The following GAS7 variants were observed in gnomAD, a reference collection of about 807,000 sequenced individuals.
The protein encoded by GAS7 is growth arrest-specific protein 7.
In GAS7, 28 loss-of-function variants were observed where a neutral mutation model predicts 71.1. The ratio of observed to expected loss-of-function variants is 0.39; its 90% CI spans 0.29 to 0.54. The LOEUF is 0.54. GAS7 is among the 20% of genes least tolerant of loss of function. The pLI is 0.62. For missense variants in GAS7, 436 were observed against 627.8 expected (o/e 0.69, Z 3.27); for synonymous variants, 258 against 245.8 (o/e 1.05, Z -0.46).
chr17:10,075,212 C>T (rs1225231111), intron 1 of GAS7, among the ~76,000 whole-genome samples: 1 of 151,860 alleles, frequency 6.6e-6, no homozygotes, highest in Non-Finnish European at 1.5e-5. Context: ...AAAAATTAGC[C>T]AGGCGTGGCG....
Position 9,911,897 on chromosome 17 carries a change from G to A in GAS7, c.*5331C>T. On this transcript the variant is annotated 3_prime_UTR_variant, in exon 14 of 14. Transcript: ENST00000432992. This position sits in a 1 kb window ranked among gnomAD's most constrained non-coding sequence, Gnocchi z 4.0. The stretch of plus-strand genomic sequence containing the variant: ...GCTTAGTGGAGTGTTTACCTCAGGG[G>A]TCACACTCAGCCTGGTCTGGCCTTA... The A allele has an allele frequency of 4.3e-6, 1 of 231,888 alleles. No homozygotes were observed. Among genetic ancestry groups the A allele is most frequent in the East Asian group, 6.1e-5 (1 of 16,370 alleles). The allele number at this position is 231,888 out of a possible 1,614,324, so 14.4% of individuals were successfully genotyped here.
chr17:9,998,123 T>G (rs2071119480), intron 2 of GAS7, among the ~76,000 whole-genome samples: 1 of 152,208 alleles, frequency 6.6e-6, no homozygotes, highest in African/African-American at 2.4e-5. Context: ...CATGCCTTGG[T>G]CTTTCCTGTG....
At chr17:10,120,927 C>A (rs887951336) in intron 1 of GAS7, among the ~76,000 whole-genome samples, 1 of 152,200 alleles carries the variant, frequency 6.6e-6, no homozygotes, top group African/African-American at 2.4e-5. Flanking sequence ...TCACAACTGC[C>A]ACATGAAAGC....
intron 1 of GAS7, among the ~76,000 whole-genome samples, chr17:10,112,562 C>G (rs1032850355): frequency 2.0e-5 from 3 of 151,996 alleles, no homozygotes; most frequent in Admixed American, 2.0e-4. Context: ...ATGGAGAAAC[C>G]CCAACTCTAC....
chr17:10,123,939 G>T (rs1001428293), intron 1 of GAS7, among the ~76,000 whole-genome samples: 6 of 152,246 alleles, frequency 3.9e-5, no homozygotes, highest in Admixed American at 3.9e-4. Flanking sequence ...ATGCACAAGA[G>T]GCCAGTGGGG....
intron 1 of GAS7, among the ~76,000 whole-genome samples, chr17:10,082,093 A>C (rs1290495201): frequency 6.6e-6 from 1 of 152,248 alleles, no homozygotes; most frequent in African/African-American, 2.4e-5. Flanking sequence ...AAAAAAACTC[A>C]AAAACACATT....
At chr17:9,927,488 A>AC (rs1567782148) in intron 9 of GAS7, among the ~76,000 whole-genome samples, 2 of 148,688 alleles carry the variant, frequency 1.3e-5, no homozygotes, top group African/African-American at 5.2e-5. Context: ...TCAAAAAAAA[A>AC]AAACAAAACA....
In GAS7 at chr17:9,919,259, C is replaced by T. The variant is rs2067705636; in HGVS notation, c.1218+367G>A. Among the ~76,000 whole-genome samples the T allele has an allele frequency of 1.3e-5, 2 of 152,114 alleles. No homozygotes were observed. The highest frequency in any genetic ancestry group is 4.1e-4 in the South Asian group (2 of 4,830). On this transcript the variant is annotated intron_variant, in intron 12 of 13. Coordinates refer to ENST00000432992, the MANE Select transcript of GAS7 (RefSeq NM_201433.2). The surrounding 1 kb of genome is among the most constrained non-coding windows in gnomAD (Gnocchi z 5.0). ...GATCTCCTACCAAGGACCTGCAACT[C>T]GTGTGTGTGCATGTGTGGGGCGGTC... is the stretch of plus-strand genomic sequence containing the variant.
chr17:10,097,699 A>T (rs1479527971), intron 1 of GAS7, among the ~76,000 whole-genome samples: 1 of 152,068 alleles, frequency 6.6e-6, no homozygotes, highest in African/African-American at 2.4e-5. Flanking sequence ...CGACAGGTAC[A>T]CACTAGGCAA....
intron 1 of GAS7, among the ~76,000 whole-genome samples, chr17:10,183,021 C>T (rs1177319111): frequency 6.6e-6 from 1 of 152,112 alleles, no homozygotes; most frequent in Non-Finnish European, 1.5e-5. Context: ...ATTAGCCCAG[C>T]CTGAGGAGCA....
At chr17:10,197,335 T>A (rs2142161051) in intron 1 of GAS7, among the ~76,000 whole-genome samples, 1 of 152,318 alleles carries the variant, frequency 6.6e-6, no homozygotes, top group South Asian at 2.1e-4. Flanking sequence ...AAGGTAACTG[T>A]TAATTTAGTC....
intron 1 of GAS7, among the ~76,000 whole-genome samples, chr17:10,049,689 T>TG (rs1254323358): frequency 7.0e-6 from 1 of 142,654 alleles, no homozygotes; most frequent in Non-Finnish European, 1.5e-5. Context: ...GGCGCGATCT[T>TG]GGCTCACTGC....
chr17:9,920,397 A>G (rs150217092), intron 11 of GAS7, among the ~76,000 whole-genome samples: 114 of 152,376 alleles, frequency 7.5e-4, no homozygotes, highest in African/African-American at 2.7e-3. Flanking sequence ...CGAGGCAAAC[A>G]TAACTATTCA....
chr17:10,063,493 A>G (rs937624774), intron 1 of GAS7, among the ~76,000 whole-genome samples: 3 of 152,238 alleles, frequency 2.0e-5, no homozygotes, highest in Non-Finnish European at 2.9e-5. Flanking sequence ...CAAAACCCTG[A>G]CAAATCATCT....
chr17:10,103,936 C>T lies in GAS7; in HGVS notation c.184-84039G>A, dbSNP rs1010976005. ...TCCTACCCACATCAGAGCCCACGCT[C>T]GCAGCCTTCCCTCCCACAACAGTAA... On this transcript the variant is annotated intron_variant, in intron 1 of 13. Transcript: ENST00000432992. This position sits in a 1 kb window ranked among gnomAD's most constrained non-coding sequence, Gnocchi z 5.5. Among the ~76,000 whole-genome samples, 3 of 152,122 alleles carry T rather than the reference C, an allele frequency of 2.0e-5. No individual in the cohort carries two copies. The highest frequency in any genetic ancestry group is 4.4e-5 in the Non-Finnish European group (3 of 68,016).
intron 3 of GAS7, among the ~76,000 whole-genome samples, chr17:9,980,841 G>A (rs2070385596): frequency 6.6e-6 from 1 of 152,198 alleles, no homozygotes; most frequent in Non-Finnish European, 1.5e-5. Flanking sequence ...AAATTGAGTG[G>A]TCAGGGAAGG....
chr17:10,190,439 C>T (rs1389697570), intron 1 of GAS7, among the ~76,000 whole-genome samples: 1 of 151,682 alleles, frequency 6.6e-6, no homozygotes, highest in African/African-American at 2.4e-5. Flanking sequence ...AAAAATTAGC[C>T]GGGCGTGGTG....
At chr17:9,994,651 CA>C in intron 2 of GAS7, among the ~76,000 whole-genome samples, 1 of 143,246 alleles carries the variant, frequency 7.0e-6, no homozygotes, top group African/African-American at 2.7e-5. Flanking sequence ...ACACCAAAAG[CA>C]ATGGCAACAA....
chr17:10,019,957 C>T (rs770190921), intron 1 of GAS7, 60 bp from the exon 2 acceptor site: 1 of 1,553,952 alleles, frequency 6.4e-7, no homozygotes, highest in Admixed American at 1.7e-5. Context: ...GTTTTTAAAC[C>T]AGGAAGGCAA....
Sources: gnomAD v4.1 joint callset for allele counts (sites outside exome capture counted in the v4.1 genomes callset) on GRCh38, gnomAD v4.1.1 for gene constraint, Gnocchi (gnomAD v3.1) non-coding constraint, MANE v1.5 for transcripts, NCBI Gene and HGNC (gene_info 2026-07-23, HGNC 2026-07-21) for gene names.